The following CD200R1 variants were observed in gnomAD, a reference collection of about 807,000 sequenced individuals.
The protein encoded by CD200R1 is CD200 receptor 1, also known as cell surface glycoprotein CD200 receptor 1.
CD200R1 carries 30 observed loss-of-function variants against 38.1 expected under a neutral mutation model. That is an observed-to-expected ratio of 0.79 (90% confidence interval 0.59 to 1.07). The LOEUF is 1.07. CD200R1 is among the 50% of genes least tolerant of loss of function. The pLI, the probability that CD200R1 is intolerant of heterozygous loss-of-function variation, is 0.00. For missense variants in CD200R1, 372 were observed against 415.4 expected (o/e 0.90, Z 0.91); for synonymous variants, 128 against 152.1 (o/e 0.84, Z 1.16).
At chr3:112,938,725 T>C (rs79482990) in intron 2 of CD200R1, among the ~76,000 whole-genome samples, 2,069 of 152,156 alleles carry the variant, frequency 0.014, 41 homozygotes, top group African/African-American at 0.047. Context: ...CTTCAAACTA[T>C]TCCAAAAAAT....
intron 2 of CD200R1, among the ~76,000 whole-genome samples, chr3:112,945,305 T>C (rs1940822482): frequency 6.6e-6 from 1 of 152,188 alleles, no homozygotes; most frequent in African/African-American, 2.4e-5. Context: ...CCTGACACTA[T>C]TCGACTTCAA....
At chr3:112,960,020 C>A (rs1932977351) in intron 1 of CD200R1, among the ~76,000 whole-genome samples, 1 of 151,990 alleles carries the variant, frequency 6.6e-6, no homozygotes, top group Non-Finnish European at 1.5e-5. Context: ...CAAACTGAAG[C>A]TTTAAGCCCA....
chr3:112,953,655 T>A (rs1941020712), intron 1 of CD200R1, among the ~76,000 whole-genome samples: 1 of 152,198 alleles, frequency 6.6e-6, no homozygotes, highest in South Asian at 2.1e-4. Flanking sequence ...TTTTTATTTC[T>A]TCATAATTAA....
At chr3:112,930,626 G>GT (rs773637792) in intron 3 of CD200R1, among the ~76,000 whole-genome samples, 6 of 152,156 alleles carry the variant, frequency 3.9e-5, no homozygotes, top group Non-Finnish European at 7.4e-5. Flanking sequence ...TCTAACAAAG[G>GT]TAAGTGTCAG....
At chr3:112,935,059 T>C (rs1940544650) in intron 2 of CD200R1, among the ~76,000 whole-genome samples, 1 of 152,122 alleles carries the variant, frequency 6.6e-6, no homozygotes, top group African/African-American at 2.4e-5. Flanking sequence ...TGGAAATATA[T>C]ATGGACCCAA....
At chr3:112,925,725 C>T (rs1408457173) in intron 5 of CD200R1, among the ~76,000 whole-genome samples, 1 of 152,028 alleles carries the variant, frequency 6.6e-6, no homozygotes, top group African/African-American at 2.4e-5. Flanking sequence ...GTACTTTCCA[C>T]TCAATTTTGC....
At chr3:112,969,648 A>G (rs1576156918) in intron 1 of CD200R1, among the ~76,000 whole-genome samples, 1 of 152,094 alleles carries the variant, frequency 6.6e-6, no homozygotes, top group South Asian at 2.1e-4. Flanking sequence ...GTTATAAAGG[A>G]ACAGCCATTT....
intron 1 of CD200R1, among the ~76,000 whole-genome samples, chr3:112,953,513 T>C (rs1294764535): frequency 6.6e-6 from 1 of 152,210 alleles, no homozygotes; most frequent in Non-Finnish European, 1.5e-5. Context: ...TTTGGAAGAA[T>C]GAAAATAATT....
At chr3:112,963,847 C>T (rs1252433700) in intron 1 of CD200R1, among the ~76,000 whole-genome samples, 2 of 152,204 alleles carry the variant, frequency 1.3e-5, no homozygotes, top group South Asian at 2.1e-4. Context: ...ACAGCAGCCC[C>T]TCCCATCACA....
At chr3:112,945,351 T>G (rs4103791) in intron 2 of CD200R1, among the ~76,000 whole-genome samples, 93,335 of 152,074 alleles carry the variant, frequency 0.61, 29,177 homozygotes, top group African/African-American at 0.74. Flanking sequence ...AAGTCAGTAT[T>G]TTATTAGCAA....
intron 2 of CD200R1, among the ~76,000 whole-genome samples, chr3:112,931,886 C>T (rs532345127): frequency 1.1e-3 from 164 of 152,102 alleles, no homozygotes; most frequent in Non-Finnish European, 1.0e-3. Context: ...ATAAAAGCAC[C>T]CTGCCTCTGG....
intron 2 of CD200R1, among the ~76,000 whole-genome samples, 195 bp from the exon 3 acceptor site, chr3:112,931,366 A>G (rs1013308969): frequency 3.1e-5 from 3 of 97,132 alleles, no homozygotes; most frequent in African/African-American, 1.4e-4. Context: ...ATATCCTGAA[A>G]ATTATACTTA....
chr3:112,965,052 G>A (rs760051832), intron 1 of CD200R1, among the ~76,000 whole-genome samples: 4 of 152,192 alleles, frequency 2.6e-5, no homozygotes, highest in African/African-American at 9.7e-5. Flanking sequence ...ATGTGGAACT[G>A]TAAGTCCATT....
intron 3 of CD200R1, among the ~76,000 whole-genome samples, chr3:112,930,675 A>C (rs961688281): frequency 4.6e-5 from 7 of 152,222 alleles, no homozygotes; most frequent in African/African-American, 1.7e-4. Flanking sequence ...TCAGCTATAG[A>C]GGGGCAAACC....
At chr3:112,961,804 G>A (rs1933026027) in intron 1 of CD200R1, among the ~76,000 whole-genome samples, 1 of 152,008 alleles carries the variant, frequency 6.6e-6, no homozygotes, top group South Asian at 2.1e-4. Flanking sequence ...GAAAACACAT[G>A]AACCAATAAA....
intron 5 of CD200R1, among the ~76,000 whole-genome samples, chr3:112,926,203 A>T (rs898031352): frequency 6.6e-6 from 1 of 152,162 alleles, no homozygotes; most frequent in Admixed American, 6.6e-5. Context: ...GTGCAAATCA[A>T]CCAAGGAATT....
At chr3:112,938,316 G>A (rs1940634377) in intron 2 of CD200R1, among the ~76,000 whole-genome samples, 1 of 151,848 alleles carries the variant, frequency 6.6e-6, no homozygotes, top group South Asian at 2.1e-4. Flanking sequence ...AGTATGATAT[G>A]AGCTGTGGGT....
chr3:112,974,964 G>A lies in CD200R1; in HGVS notation c.-107C>T. On this transcript the variant is annotated 5_prime_UTR_variant, in exon 1 of 8. Transcript: ENST00000308611. ...CTCTCTGGTCAACTTCTCAGTACAG[G>A]ATCCTCTTACCCCATCAACAGTGGG... is the stretch of plus-strand genomic sequence containing the variant. 2.4e-6 allele frequency: 2 copies of A among 844,456 alleles called. No individual in the cohort carries two copies. The highest frequency in any genetic ancestry group is 4.0e-6 in the Non-Finnish European group (2 of 505,460). The allele number at this position is 844,456 out of a possible 1,614,324, so 52.3% of individuals were successfully genotyped here.
intron 6 of CD200R1, 130 bp from the exon 7 acceptor site, chr3:112,924,665 A>G: frequency 1.9e-6 from 1 of 516,090 alleles, no homozygotes; most frequent in Non-Finnish European, 2.9e-6. Context: ...ATCAGAAAGA[A>G]ACTACTAGAA....
Sources: gnomAD v4.1 joint callset for allele counts (sites outside exome capture counted in the v4.1 genomes callset) on GRCh38, gnomAD v4.1.1 for gene constraint, MANE v1.5 for transcripts, NCBI Gene and HGNC (gene_info 2026-07-23, HGNC 2026-07-21) for gene names.